The following GRIP1 variants were observed in gnomAD, a reference collection of about 807,000 sequenced individuals.
GRIP1 encodes the protein glutamate receptor interacting protein 1, also known as glutamate receptor-interacting protein 1.
GRIP1 carries 45 observed loss-of-function variants against 129.9 expected under a neutral mutation model. That is an observed-to-expected ratio of 0.35 (90% CI 0.27 to 0.44). The LOEUF (loss-of-function observed/expected upper bound fraction) is 0.44, where lower values mean the gene tolerates loss of function less well. Among genes scored for constraint, GRIP1 ranks in the 20% least tolerant of loss-of-function variants. The probability of loss-of-function intolerance (pLI) is 1.00; values close to 1 mark genes in which losing one functional copy is unlikely to be tolerated. For synonymous variants in GRIP1, 530 were observed against 520.8 expected, an observed-to-expected ratio of 1.02 and a Z score of -0.24; for missense variants, 1,196 against 1,396.8, an observed-to-expected ratio of 0.86 and a Z score of 2.29.
intron 1 of GRIP1, among the ~76,000 whole-genome samples, chr12:67,025,794 A>T (rs982241775): frequency 1.2e-4 from 18 of 152,224 alleles, no homozygotes; most frequent in African/African-American, 3.9e-4. Flanking sequence ...AACGAGGCAT[A>T]ATATATTTAA....
intron 2 of GRIP1, among the ~76,000 whole-genome samples, chr12:66,545,446 A>G (rs1242054918): frequency 6.6e-6 from 1 of 152,244 alleles, no homozygotes; most frequent in Admixed American, 6.5e-5. Flanking sequence ...TATCCTTTAT[A>G]TAGACAAACA....
At chr12:66,796,627 TA>T (rs954977142) in intron 1 of GRIP1, among the ~76,000 whole-genome samples, 1 of 152,142 alleles carries the variant, frequency 6.6e-6, no homozygotes, top group Non-Finnish European at 1.5e-5. Flanking sequence ...GTTTTCTTTT[TA>T]GCTTGCTGAC....
chr12:66,977,086 A>C (rs1297988392), intron 1 of GRIP1, among the ~76,000 whole-genome samples: 1 of 152,192 alleles, frequency 6.6e-6, no homozygotes, highest in East Asian at 1.9e-4. Flanking sequence ...GCTAATTACA[A>C]GGAACATCAA....
rs75633363 is a variant in GRIP1 at position 66,364,491 on chromosome 12, C to T, written c.3012+7203G>A. Among the ~76,000 whole-genome samples the T allele has an allele frequency of 2.7e-3, 412 of 152,088 alleles. 3 individuals are homozygous for T. Among genetic ancestry groups the T allele is most frequent in the African/African-American group, 7.6e-3 (314 of 41,486 alleles). On this transcript the variant is annotated intron_variant, in intron 23 of 24. Coordinates refer to ENST00000359742, the MANE Select transcript of GRIP1 (RefSeq NM_001366722.1). ...ATTTTGCCCACAAGGAAATTCCTGGCGGGCCCTGAGATCTTTAAAGCAGTT... is the reference window on the plus strand; with the variant it reads ...ATTTTGCCCACAAGGAAATTCCTGGTGGGCCCTGAGATCTTTAAAGCAGTT...
At chr12:66,571,455 T>A (rs1449947385) in intron 2 of GRIP1, among the ~76,000 whole-genome samples, 2 of 152,184 alleles carry the variant, frequency 1.3e-5, no homozygotes, top group African/African-American at 4.8e-5. Flanking sequence ...GATACATACT[T>A]CCTGAAAATG....
chr12:66,508,675 TC>T (rs2138853531), intron 7 of GRIP1, among the ~76,000 whole-genome samples: 1 of 152,220 alleles, frequency 6.6e-6, no homozygotes, highest in South Asian at 2.1e-4. Flanking sequence ...TAGTTATTGT[TC>T]CATCTTTATT....
At chr12:66,369,674 G>T (rs761986167) in intron 23 of GRIP1, among the ~76,000 whole-genome samples, 6 of 152,126 alleles carry the variant, frequency 3.9e-5, no homozygotes, top group Non-Finnish European at 8.8e-5. Flanking sequence ...GGGTTATCAA[G>T]CAGGCTCCTG....
At chr12:66,376,964 G>T in intron 22 of GRIP1, 53 bp downstream of exon 22, 8 of 1,221,480 alleles carry the variant, frequency 6.5e-6, no homozygotes, top group Non-Finnish European at 9.7e-6. Context: ...AGAAGGCAAG[G>T]GGGTAGGGAA....
intron 1 of GRIP1, among the ~76,000 whole-genome samples, chr12:66,690,494 G>T (rs1451096871): frequency 6.6e-6 from 1 of 151,742 alleles, no homozygotes; most frequent in African/African-American, 2.4e-5. Context: ...GAGGGTACAG[G>T]TGTCTTTTCA....
intron 1 of GRIP1, among the ~76,000 whole-genome samples, chr12:66,915,385 G>A (rs560820393): frequency 1.3e-5 from 2 of 152,204 alleles, no homozygotes; most frequent in Non-Finnish European, 2.9e-5. Context: ...AAGACTGTAG[G>A]CTTCCCAGAC....
chr12:66,942,415 C>T (rs547215464), intron 1 of GRIP1, among the ~76,000 whole-genome samples: 105 of 152,178 alleles, frequency 6.9e-4, no homozygotes, highest in Non-Finnish European at 1.3e-3. Flanking sequence ...GTTCTTCTTC[C>T]CACTTTCTTT....
At chr12:66,496,203 C>G (rs962818046) in intron 7 of GRIP1, among the ~76,000 whole-genome samples, 1 of 152,094 alleles carries the variant, frequency 6.6e-6, no homozygotes, top group Non-Finnish European at 1.5e-5. Context: ...TATCTGAAGC[C>G]ACACCTGAAC....
At chr12:66,539,920 C>A (rs1388581260) in intron 3 of GRIP1, among the ~76,000 whole-genome samples, 1 of 152,130 alleles carries the variant, frequency 6.6e-6, no homozygotes, top group Non-Finnish European at 1.5e-5. Flanking sequence ...GGTAGCAAGA[C>A]CAATAATAAG....
intron 1 of GRIP1, among the ~76,000 whole-genome samples, chr12:66,667,526 T>C (rs1716910757): frequency 6.6e-6 from 1 of 152,244 alleles, no homozygotes; most frequent in Non-Finnish European, 1.5e-5. Flanking sequence ...GGTTGCCTAA[T>C]ACAAGTAGCT....
In GRIP1 at chr12:66,417,018, A is replaced by G. The variant is rs79082205; in HGVS notation, c.1838+3702T>C. Among the ~76,000 whole-genome samples, 944 of 152,158 alleles carry G rather than the reference A, an allele frequency of 6.2e-3. 6 individuals are homozygous for G. The highest frequency in any genetic ancestry group is 9.2e-3 in the Non-Finnish European group (622 of 67,978). ...AACTATGGGCCAAAAACCTCTAACGAACATTGATGCAAAAATCCTTAATAA... is the reference window on the plus strand; with the variant it reads ...AACTATGGGCCAAAAACCTCTAACGGACATTGATGCAAAAATCCTTAATAA... On this transcript the variant is annotated intron_variant, in intron 15 of 24. Transcript: ENST00000359742.
chr12:66,551,344 A>T (rs1412966689), intron 2 of GRIP1, among the ~76,000 whole-genome samples: 3 of 152,238 alleles, frequency 2.0e-5, no homozygotes, highest in Admixed American at 2.0e-4. Flanking sequence ...AGGGAATAAC[A>T]GCTCAACGTA....
At chr12:66,804,116 G>A (rs1333526684) in exon 1 of GRIP1, 1 of 455,776 alleles carries the variant, frequency 2.2e-6, no homozygotes, top group Non-Finnish European at 4.4e-6. Flanking sequence ...TCCTCTTCTG[G>A]TCGGTACTTT....
chr12:66,802,965 C>G (rs1202106465), intron 1 of GRIP1, among the ~76,000 whole-genome samples: 1 of 152,172 alleles, frequency 6.6e-6, no homozygotes, highest in African/African-American at 2.4e-5. Context: ...AAGCAAATAT[C>G]AAATAATTAC....
intron 1 of GRIP1, among the ~76,000 whole-genome samples, chr12:66,819,203 T>C (rs2039276758): frequency 6.6e-6 from 1 of 152,206 alleles, no homozygotes; most frequent in African/African-American, 2.4e-5. Flanking sequence ...CAAAACCTTT[T>C]ACTTTTGTTG....
Sources: gnomAD v4.1 joint callset for allele counts (sites outside exome capture counted in the v4.1 genomes callset) on GRCh38, gnomAD v4.1.1 for gene constraint, MANE v1.5 for transcripts, NCBI Gene and HGNC (gene_info 2026-07-23, HGNC 2026-07-21) for gene names.